Variants in MAP3K13 observed in about 807,000 individuals in gnomAD.
The protein encoded by MAP3K13 is leucine zipper-bearing kinase.
In MAP3K13, 52 loss-of-function variants were observed where a neutral mutation model predicts 104.0. The ratio of observed to expected loss-of-function variants is 0.50; its 90% confidence interval spans 0.40 to 0.63. The LOEUF (loss-of-function observed/expected upper bound fraction) is 0.63, where lower values mean the gene tolerates loss of function less well. Ranked by LOEUF, MAP3K13 falls within the 20% of genes least tolerant of loss-of-function variation. MAP3K13 has a pLI of 0.00. For missense variants in MAP3K13, 914 were observed against 1,218.5 expected (o/e 0.75, Z 3.72); for synonymous variants, 394 against 442.2 (o/e 0.89, Z 1.37).
At chr3:185,373,823 ATTTTTTTTTT>A (rs148364519) in intron 1 of MAP3K13, among the ~76,000 whole-genome samples, 2 of 113,356 alleles carry the variant, frequency 1.8e-5, no homozygotes, top group Non-Finnish European at 1.8e-5. Flanking sequence ...AGTGAAAAGG[ATTTTTTTTTT>A]TTTTTTTTTT....
rs1718705989 is a variant in MAP3K13, at chr3:185,486,127, C to G, written c.*3671C>G. ...AGTGGCAACAGAGAAACATGAGGGT[C>G]AGCTTTTATCTTACATCTTTCAGTG... On this transcript the variant is annotated 3_prime_UTR_variant, in exon 14 of 14. Coordinates refer to ENST00000265026, the MANE Select transcript of MAP3K13 (RefSeq NM_004721.5). 1 of 152,174 alleles carries G rather than the reference C, an allele frequency of 6.6e-6. No individual in the cohort carries two copies. 9.4% of individuals were successfully genotyped at this position (152,174 alleles called of 1,614,324 possible). A position where few individuals can be genotyped will look rare whatever the true frequency, so the allele number is the denominator to read the frequency against.
intron 2 of MAP3K13, chr3:185,291,571 G>T: frequency 6.7e-7 from 1 of 1,487,248 alleles, no homozygotes; most frequent in South Asian, 1.3e-5. Flanking sequence ...AAAATTATTA[G>T]ACTTGTAGTA....
chr3:185,377,024 A>G (rs1404713253), intron 1 of MAP3K13, among the ~76,000 whole-genome samples: 1 of 152,154 alleles, frequency 6.6e-6, no homozygotes, highest in African/African-American at 2.4e-5. Context: ...TTTGAAATCC[A>G]GAATAGAATA....
intron 7 of MAP3K13, among the ~76,000 whole-genome samples, chr3:185,454,984 A>G (rs1459007481): frequency 1.6e-5 from 1 of 60,828 alleles, no homozygotes; most frequent in Non-Finnish European, 3.8e-5. Context: ...TATGATATAT[A>G]TGAGATATAT....
rs556465990 is a variant in MAP3K13 at position 185,473,242 on chromosome 3, G to A, written c.1911G>A (p.Leu637=). The part of the protein sequence containing the change: ...QYPSLHHHNS[L]QQQYQQPPPA... Reference sequence around the variant, plus strand: ...CTTCTCTTCATCACCATAATTCTCTGCAGCAGCAATACCAGCAGCCCCCTC... The same window carrying A: ...CTTCTCTTCATCACCATAATTCTCTACAGCAGCAATACCAGCAGCCCCCTC... The change falls in exon 11 of 14, where the codon CTG becomes CTA. Residue 637 remains leucine, a synonymous_variant. Coordinates refer to ENST00000265026, the MANE Select transcript of MAP3K13 (RefSeq NM_004721.5). This position sits in a 1 kb window ranked among gnomAD's most constrained non-coding sequence, Gnocchi z 4.9. 2 of 1,614,134 alleles carry A rather than the reference G, an allele frequency of 1.2e-6. No homozygotes were observed. The highest frequency in any genetic ancestry group is 1.7e-5 in the Admixed American group (1 of 60,016).
chr3:185,331,059 C>T (rs1303137473), intron 2 of MAP3K13, among the ~76,000 whole-genome samples: 1 of 150,662 alleles, frequency 6.6e-6, no homozygotes, highest in Admixed American at 6.6e-5. Context: ...TCCACTTCCA[C>T]CATAACACTT....
rs545262445 is a variant in MAP3K13 at position 185,313,066 on chromosome 3, T to C, written c.-86+27423T>C. Among the ~76,000 whole-genome samples, 5 of 151,942 alleles carry C rather than the reference T, an allele frequency of 3.3e-5. No homozygotes were observed. The South Asian group carries it at 1.0e-3, about 32-fold the overall frequency. On this transcript the variant is annotated intron_variant, in intron 2 of 14. Coordinates refer to the MAP3K13 transcript ENST00000424227. The stretch of plus-strand genomic sequence containing the variant: ...TTAGCCAGGCGTGGTGGTGTGTGCC[T>C]GTAGTTTCAGCTCTCAGGAGGCTGA...
intron 10 of MAP3K13, among the ~76,000 whole-genome samples, chr3:185,467,781 CAAA>C (rs1170149474): frequency 6.9e-5 from 4 of 58,236 alleles, no homozygotes; most frequent in African/African-American, 5.8e-5. Flanking sequence ...GACTCTGTCT[CAAA>C]AAAAAAAAAA....
rs1195833993 is a variant in MAP3K13 at position 185,437,566 on chromosome 3, G to A, written c.595G>A (p.Glu199Lys). The change falls in exon 3 of 14, where the codon GAA becomes AAA. Residue 199 changes from glutamate (E) to lysine (K), a missense_variant. Coordinates refer to ENST00000265026, the MANE Select transcript of MAP3K13 (RefSeq NM_004721.5). ...AEEVAIKKVR[E>K]QNETDIKHLR... ...AGAGGTGGCCATCAAGAAAGTGAGA[G>A]AACAGAATGAGACGGATATCAAGCA... The A allele has an allele frequency of 1.9e-6, 3 of 1,613,734 alleles. No individual in the cohort carries two copies. The Admixed American group carries it at 5.0e-5, about 27-fold the overall frequency.
At chr3:185,391,924 G>C (rs139956044) in intron 1 of MAP3K13, among the ~76,000 whole-genome samples, 1 of 152,122 alleles carries the variant, frequency 6.6e-6, no homozygotes, top group Non-Finnish European at 1.5e-5. Flanking sequence ...GGGTGCGGGT[G>C]GGGGAGGTGA....
At chr3:185,440,577 C>T (rs1000367412) in intron 3 of MAP3K13, among the ~76,000 whole-genome samples, 5 of 152,076 alleles carry the variant, frequency 3.3e-5, no homozygotes, top group Non-Finnish European at 7.4e-5. Flanking sequence ...GATAAGAATT[C>T]TCTGTAGCCT....
intron 1 of MAP3K13, among the ~76,000 whole-genome samples, chr3:185,372,621 G>C (rs761597004): frequency 2.6e-5 from 4 of 152,088 alleles, no homozygotes; most frequent in Non-Finnish European, 4.4e-5. Context: ...TGATGATAAG[G>C]ATTTCTTTTA....
intron 10 of MAP3K13, 120 bp downstream of exon 10, chr3:185,467,083 C>A: frequency 9.2e-7 from 1 of 1,081,736 alleles, no homozygotes; most frequent in Non-Finnish European, 1.3e-6. Context: ...TGTAGAGATA[C>A]TCAGTACTCT....
intron 2 of MAP3K13, among the ~76,000 whole-genome samples, chr3:185,339,794 T>C (rs1034412347): frequency 1.5e-4 from 23 of 152,252 alleles, no homozygotes; most frequent in African/African-American, 5.3e-4. Context: ...TGTCTACCTC[T>C]GCTTTACAGC....
At chr3:185,433,302 T>A (rs1714850500) in intron 2 of MAP3K13, among the ~76,000 whole-genome samples, 1 of 152,184 alleles carries the variant, frequency 6.6e-6, no homozygotes, top group Admixed American at 6.5e-5. Flanking sequence ...AAGATCATAG[T>A]CATTGGGAAG....
intron 7 of MAP3K13, among the ~76,000 whole-genome samples, chr3:185,454,550 T>G (rs1284608474): frequency 6.8e-5 from 8 of 116,904 alleles, no homozygotes; most frequent in African/African-American, 2.8e-4. Context: ...ATATATGATA[T>G]ATACACATAT....
Position 185,443,598 on chromosome 3 carries a change from C to T in MAP3K13, c.813C>T (p.His271=). The change falls in exon 4 of 14, where the codon CAC becomes CAT. Residue 271 remains histidine (H), a synonymous_variant. Coordinates refer to ENST00000265026, the MANE Select transcript of MAP3K13 (RefSeq NM_004721.5). The part of the protein sequence containing the change: ...TGIASGMNYL[H]LHKIIHRDLK... ...TTGCAAGTGGAATGAATTATTTGCA[C>T]CTCCATAAAATTATTCATCGTGATC... The T allele has an allele frequency of 6.2e-7, 1 of 1,614,054 alleles. No individual in the cohort carries two copies. Among genetic ancestry groups the T allele is most frequent in the Middle Eastern group, 1.7e-4 (1 of 6,058 alleles).
At position 185,473,543 on chromosome 3, in the gene MAP3K13, G is replaced by A. The variant is rs770331620; in HGVS notation, c.2212G>A (p.Glu738Lys). The change falls in exon 11 of 14, where the codon GAA becomes AAA. Residue 738 changes from glutamate (E) to lysine (K), a missense_variant. Glu to Lys is a moderately conservative substitution (Grantham distance 56). Around this residue, in one of 3 missense-constraint regions of MAP3K13, gnomAD observed 583 missense variants for 737.4 expected, o/e 0.79. Transcript: ENST00000265026. The surrounding 1 kb of genome is among the most constrained non-coding windows in gnomAD (Gnocchi z 4.9). ...TGACCCCTGCCTTCAGTGCAGGCCA[G>A]AACAGTATGGGTCCTTAGACATACC... ...AYDPCLQCRP[E>K]QYGSLDIPSA... The A allele has an allele frequency of 3.7e-6, 6 of 1,614,186 alleles. No individual in the cohort carries two copies. Among genetic ancestry groups the A allele is most frequent in the Non-Finnish European group, 4.2e-6 (5 of 1,180,050 alleles).
At chr3:185,393,366 C>T (rs7429459) in intron 1 of MAP3K13, among the ~76,000 whole-genome samples, 108,161 of 152,112 alleles carry the variant, frequency 0.71, 38,879 homozygotes, top group Non-Finnish European at 0.77. Flanking sequence ...AGGGCAATAA[C>T]CAATTACATT....
Sources: gnomAD v4.1 joint callset for allele counts (sites outside exome capture counted in the v4.1 genomes callset) on GRCh38, gnomAD v4.1.1 for gene constraint, gnomAD v4.1.1 regional missense constraint, Gnocchi (gnomAD v3.1) non-coding constraint, MANE v1.5 for transcripts, NCBI Gene and HGNC (gene_info 2026-07-23, HGNC 2026-07-21) for gene names.